The following MARCHF1 variants were observed in gnomAD, a reference collection of about 807,000 sequenced individuals.
MARCHF1 encodes the protein membrane associated ring-CH-type finger 1, also known as E3 ubiquitin-protein ligase MARCHF1.
A neutral mutation model predicts 54.2 loss-of-function variants in MARCHF1; 40 were observed. The observed-to-expected ratio is 0.74, with a 90% CI of 0.57 to 0.96. The LOEUF is 0.96. Among genes scored for constraint, MARCHF1 ranks in the 40% least tolerant of loss-of-function variants. The pLI, the probability that MARCHF1 is intolerant of heterozygous loss-of-function variation, is 0.00. For synonymous variants in MARCHF1, 236 were observed against 236.3 expected (o/e 1.00, Z 0.01); for missense variants, 586 against 656.5 (o/e 0.89, Z 1.17).
intron 4 of MARCHF1, among the ~76,000 whole-genome samples, chr4:163,819,170 C>CATACTCTAT (rs1471893920): frequency 2.6e-5 from 4 of 152,094 alleles, no homozygotes; most frequent in Admixed American, 6.6e-5. Flanking sequence ...TATCCAACTA[C>CATACTCTAT]ATACTCTATA....
intron 3 of MARCHF1, among the ~76,000 whole-genome samples, chr4:163,987,184 T>C (rs1305609931): frequency 1.3e-5 from 2 of 152,308 alleles, no homozygotes; most frequent in Middle Eastern, 3.4e-3. Flanking sequence ...ACAGACACTC[T>C]AGAGAATGTG....
At chr4:163,978,937 C>T (rs907371178) in intron 3 of MARCHF1, among the ~76,000 whole-genome samples, 22 of 150,916 alleles carry the variant, frequency 1.5e-4, no homozygotes, top group African/African-American at 2.9e-4. Flanking sequence ...ATGTTGCCGG[C>T]GATGCTGGTC....
intron 3 of MARCHF1, among the ~76,000 whole-genome samples, chr4:163,964,309 T>A (rs180883851): frequency 2.6e-5 from 4 of 152,126 alleles, no homozygotes; most frequent in Admixed American, 2.6e-4. Context: ...TTAGTAGTTA[T>A]TTAGTGATAA....
chr4:164,066,858 G>C (rs1282542736), intron 2 of MARCHF1, among the ~76,000 whole-genome samples: 3 of 152,106 alleles, frequency 2.0e-5, no homozygotes, highest in Non-Finnish European at 4.4e-5. Context: ...ACATACACTG[G>C]GGGCTTTTGA....
intron 4 of MARCHF1, among the ~76,000 whole-genome samples, chr4:163,831,881 TTGAG>T (rs1213582201): frequency 6.6e-6 from 1 of 152,172 alleles, no homozygotes; most frequent in African/African-American, 2.4e-5. Flanking sequence ...GATAGGGAGC[TTGAG>T]TGAGAAGGTC....
At chr4:163,712,078 G>A (rs1317587555) in intron 4 of MARCHF1, among the ~76,000 whole-genome samples, 2 of 152,108 alleles carry the variant, frequency 1.3e-5, no homozygotes, top group East Asian at 1.9e-4. Context: ...TTCTTCTGTG[G>A]GTTTAAGATT....
chr4:163,584,022 G>T (rs1740324346), intron 8 of MARCHF1: 1 of 151,010 alleles, frequency 6.6e-6, no homozygotes. Context: ...AAGTGTGTTT[G>T]TTGAGGAAAA....
At chr4:163,949,706 G>T (rs533817817) in intron 3 of MARCHF1, among the ~76,000 whole-genome samples, 7 of 152,202 alleles carry the variant, frequency 4.6e-5, no homozygotes, top group Middle Eastern at 3.4e-3. Context: ...TCTCATCAGA[G>T]AGGAGACCCA....
chr4:164,091,599 A>T (rs865827624), intron 2 of MARCHF1, among the ~76,000 whole-genome samples: 2 of 151,814 alleles, frequency 1.3e-5, no homozygotes, highest in South Asian at 4.1e-4. Context: ...TTGAAATACT[A>T]TATCTCAAAT....
chr4:163,893,497 C>A (rs148896307), intron 3 of MARCHF1, among the ~76,000 whole-genome samples: 1 of 152,132 alleles, frequency 6.6e-6, no homozygotes, highest in Non-Finnish European at 1.5e-5. Context: ...GGAACAAAGG[C>A]ACTCTGTGTC....
intron 1 of MARCHF1, among the ~76,000 whole-genome samples, chr4:164,314,624 T>C (rs1734950661): frequency 6.6e-6 from 1 of 152,176 alleles, no homozygotes; most frequent in African/African-American, 2.4e-5. Context: ...TACTCAGATA[T>C]GTTAGAAAAT....
At chr4:164,170,233 A>G (rs1730486510) in intron 1 of MARCHF1, among the ~76,000 whole-genome samples, 1 of 152,280 alleles carries the variant, frequency 6.6e-6, no homozygotes, top group Middle Eastern at 3.4e-3. Context: ...TGCCATTCTA[A>G]GAGTTGAACT....
chr4:163,589,578 AAAT>A (rs1354630809), intron 7 of MARCHF1, among the ~76,000 whole-genome samples: 19 of 152,138 alleles, frequency 1.2e-4, no homozygotes, highest in African/African-American at 3.1e-4. Flanking sequence ...TAGAAATAAA[AAAT>A]AATGTGATCG....
chr4:163,598,698 T>A (rs1032842358), intron 7 of MARCHF1, among the ~76,000 whole-genome samples: 1 of 152,190 alleles, frequency 6.6e-6, no homozygotes, highest in Non-Finnish European at 1.5e-5. Context: ...AACTGGAAGT[T>A]GTTCTGGATG....
rs1407499120 is a variant in MARCHF1 at position 163,527,323 on chromosome 4, G to A, written c.*1425C>T. The A allele has an allele frequency of 1.3e-5, 2 of 151,904 alleles. No individual in the cohort carries two copies. Among genetic ancestry groups the A allele is most frequent in the Non-Finnish European group, 2.9e-5 (2 of 67,910 alleles). 9.4% of individuals were successfully genotyped at this position (151,904 alleles called of 1,614,324 possible). On this transcript the variant is annotated 3_prime_UTR_variant, in exon 10 of 10. Coordinates refer to ENST00000514618, the MANE Select transcript of MARCHF1 (RefSeq NM_001394959.1). ...TATTTTTGTTTTCTAACTGAGCAAG[G>A]GAAATCCTGTCAGCTTTTAAAAGTA...
At chr4:163,718,868 G>T (rs1175524627) in intron 4 of MARCHF1, among the ~76,000 whole-genome samples, 2 of 152,120 alleles carry the variant, frequency 1.3e-5, no homozygotes, top group African/African-American at 4.8e-5. Flanking sequence ...CCAGCCGTAG[G>T]TGTTAGCATC....
At chr4:163,589,143 C>G (rs1740504616) in intron 7 of MARCHF1, among the ~76,000 whole-genome samples, 1 of 150,550 alleles carries the variant, frequency 6.6e-6, no homozygotes, top group Non-Finnish European at 1.5e-5. Context: ...GTCAAATGCT[C>G]TACAGGCACC....
chr4:163,558,663 A>C (rs13134860), intron 8 of MARCHF1, among the ~76,000 whole-genome samples: 113,947 of 152,052 alleles, frequency 0.75, 43,598 homozygotes, highest in Middle Eastern at 0.89. Flanking sequence ...GGATTGGCTC[A>C]GGCCAGGCAT....
chr4:163,910,267 C>T (rs1357613490), intron 3 of MARCHF1, among the ~76,000 whole-genome samples: 2 of 152,102 alleles, frequency 1.3e-5, no homozygotes, highest in African/African-American at 4.8e-5. Context: ...AATGATTCCA[C>T]TTTGTTGTTT....
Sources: allele counts gnomAD v4.1 joint callset (sites outside exome capture counted in the v4.1 genomes callset), GRCh38; gene constraint gnomAD v4.1.1; transcripts MANE v1.5; gene names NCBI Gene and HGNC (gene_info 2026-07-23, HGNC 2026-07-21).